Variants in CEP70 observed in about 807,000 individuals in gnomAD.
CEP70 encodes the protein centrosomal protein 70, also known as centrosomal protein of 70 kDa.
Under a neutral mutation model 90.9 loss-of-function variants are expected in CEP70, and 70 were observed. That is an observed-to-expected ratio of 0.77 (90% CI 0.64 to 0.94). The LOEUF (loss-of-function observed/expected upper bound fraction) is 0.94, where lower values mean the gene tolerates loss of function less well. Among genes scored for constraint, CEP70 ranks in the 40% least tolerant of loss-of-function variants. CEP70 has a pLI of 0.00. For missense variants in CEP70, 648 were observed against 669.0 expected (o/e 0.97, Z 0.35); for synonymous variants, 220 against 228.3 (o/e 0.96, Z 0.33).
At chr3:138,567,653 C>T (rs1324676325) in intron 6 of CEP70, among the ~76,000 whole-genome samples, 1 of 152,130 alleles carries the variant, frequency 6.6e-6, no homozygotes, top group African/African-American at 2.4e-5. Context: ...TTTACCTTCC[C>T]ACAATTTGCT....
At chr3:138,534,251 A>G (rs2038079149) in intron 7 of CEP70, among the ~76,000 whole-genome samples, 1 of 152,180 alleles carries the variant, frequency 6.6e-6, no homozygotes, top group Non-Finnish European at 1.5e-5. Flanking sequence ...AATTCAGCCA[A>G]TTGTGCTCTT....
At chr3:138,522,412 CAAA>C (rs1192704008) in intron 11 of CEP70, among the ~76,000 whole-genome samples, 1 of 148,974 alleles carries the variant, frequency 6.7e-6, no homozygotes. Context: ...AAAAACCCTT[CAAA>C]AAAATCAATG....
intron 6 of CEP70, among the ~76,000 whole-genome samples, chr3:138,562,267 T>C (rs2040465026): frequency 6.6e-6 from 1 of 152,076 alleles, no homozygotes; most frequent in African/African-American, 2.4e-5. Flanking sequence ...AGGAACCAAG[T>C]TGGAAAACAC....
chr3:138,576,477 A>G (rs2041531468), intron 2 of CEP70, among the ~76,000 whole-genome samples: 1 of 152,154 alleles, frequency 6.6e-6, no homozygotes, highest in Non-Finnish European at 1.5e-5. Flanking sequence ...CTACAAAGAG[A>G]CTTAGACTCC....
intron 2 of CEP70, among the ~76,000 whole-genome samples, chr3:138,574,755 A>G (rs2041399914): frequency 6.6e-6 from 1 of 152,202 alleles, no homozygotes; most frequent in Non-Finnish European, 1.5e-5. Flanking sequence ...AGGAAAGATC[A>G]GGCAGCAATA....
intron 5 of CEP70, among the ~76,000 whole-genome samples, chr3:138,570,736 G>A (rs944819239): frequency 6.6e-6 from 1 of 152,054 alleles, no homozygotes; most frequent in African/African-American, 2.4e-5. Flanking sequence ...GCTCCAATAA[G>A]CATTTCCTTT....
At chr3:138,570,886 G>T in intron 5 of CEP70, 148 bp downstream of exon 5, 1 of 595,784 alleles carries the variant, frequency 1.7e-6, no homozygotes, top group East Asian at 3.1e-5. Flanking sequence ...ATTACCAAAA[G>T]ATTTACCTAT....
At chr3:138,509,237 T>C (rs1165387461) in intron 11 of CEP70, among the ~76,000 whole-genome samples, 1 of 151,948 alleles carries the variant, frequency 6.6e-6, no homozygotes, top group African/African-American at 2.4e-5. Context: ...TGCTCCAAGA[T>C]CACAGACTAC....
chr3:138,553,107 C>T (rs1431064909), intron 6 of CEP70, among the ~76,000 whole-genome samples: 1 of 152,014 alleles, frequency 6.6e-6, no homozygotes, highest in East Asian at 1.9e-4. Flanking sequence ...AAAGACACAA[C>T]TCCTAGTTTA....
At position 138,567,576 on chromosome 3, in the gene CEP70, G is replaced by A. The variant is rs190179858; in HGVS notation, c.465+2742C>T. On this transcript the variant is annotated intron_variant, in intron 6 of 17. Coordinates refer to ENST00000264982, the MANE Select transcript of CEP70 (RefSeq NM_024491.4). The stretch of plus-strand genomic sequence containing the variant: ...CCTGGATCCTTATTAGCCCAGAGGT[G>A]GCACTAGAGGACTCTACATAACCAA... Among the ~76,000 whole-genome samples, 303 of 152,266 alleles carry A rather than the reference G, an allele frequency of 2.0e-3. 3 individuals carry two copies. The highest frequency in any genetic ancestry group is 7.0e-3 in the African/African-American group (292 of 41,550).
chr3:138,496,720 T>G (rs924289696), intron 17 of CEP70: 8 of 985,444 alleles, frequency 8.1e-6, no homozygotes, highest in Non-Finnish European at 9.6e-6. Flanking sequence ...AAAACTGTCA[T>G]GTTTGCCAGA....
At chr3:138,563,787 C>T (rs2040583233) in intron 6 of CEP70, among the ~76,000 whole-genome samples, 1 of 152,078 alleles carries the variant, frequency 6.6e-6, no homozygotes, top group Non-Finnish European at 1.5e-5. Context: ...ATTAAAAGAA[C>T]TAGAGAAGCA....
intron 2 of CEP70, among the ~76,000 whole-genome samples, chr3:138,590,646 T>TAAAA (rs35742919): frequency 3.7e-5 from 5 of 133,540 alleles, no homozygotes; most frequent in African/African-American, 8.2e-5. Flanking sequence ...CTAAAAATAC[T>TAAAA]AAAAAAAAAA....
At chr3:138,514,738 TTTCA>T (rs1297388460) in intron 11 of CEP70, among the ~76,000 whole-genome samples, 1 of 152,110 alleles carries the variant, frequency 6.6e-6, no homozygotes, top group Admixed American at 6.5e-5. Flanking sequence ...AAAAAATTTT[TTTCA>T]TTGAGTGTTT....
chr3:138,518,044 C>T (rs112826402), intron 11 of CEP70, among the ~76,000 whole-genome samples: 67 of 152,338 alleles, frequency 4.4e-4, no homozygotes, highest in African/African-American at 1.6e-3. Flanking sequence ...TATCCCGCAC[C>T]TGGCTTGGAG....
intron 10 of CEP70, among the ~76,000 whole-genome samples, chr3:138,527,681 CAA>C (rs2107736932): frequency 7.7e-6 from 1 of 130,580 alleles, no homozygotes; most frequent in South Asian, 2.4e-4. Flanking sequence ...GGCGACAGAG[CAA>C]GACTCCGTCT....
At chr3:138,539,650 T>C (rs368822193) in intron 6 of CEP70, among the ~76,000 whole-genome samples, 2 of 152,086 alleles carry the variant, frequency 1.3e-5, no homozygotes, top group Admixed American at 6.5e-5. Flanking sequence ...GAAAAAAGAA[T>C]ACCTACAAAA....
chr3:138,587,261 A>G (rs2042149615), intron 2 of CEP70, among the ~76,000 whole-genome samples: 1 of 147,918 alleles, frequency 6.8e-6, no homozygotes, highest in Non-Finnish European at 1.5e-5. Context: ...ATGCCTTAAG[A>G]GAAATAGAGA....
chr3:138,497,885 T>C (rs1166784974), intron 17 of CEP70, 146 bp downstream of exon 17: 2 of 1,483,988 alleles, frequency 1.3e-6, no homozygotes, highest in Non-Finnish European at 8.9e-7. Context: ...AAACTCTAAC[T>C]GCTTGTAAGG....
Sources: allele counts gnomAD v4.1 joint callset (sites outside exome capture counted in the v4.1 genomes callset), GRCh38; gene constraint gnomAD v4.1.1; transcripts MANE v1.5; gene names NCBI Gene and HGNC (gene_info 2026-07-23, HGNC 2026-07-21).